PLAC8L1: variants seen among roughly 807,000 people sequenced by gnomAD.
PLAC8L1 encodes the protein PLAC8 like 1.
In PLAC8L1, 13 loss-of-function variants were observed where a neutral mutation model predicts 16.3. The observed-to-expected ratio is 0.80, with a 90% confidence interval of 0.52 to 1.27. The LOEUF is 1.27. PLAC8L1 is among the 50% of genes most tolerant of loss of function. PLAC8L1 has a pLI of 0.00. For missense variants in PLAC8L1, 184 were observed against 220.2 expected (o/e 0.84, Z 1.04); for synonymous variants, 78 against 79.3 (o/e 0.98, Z 0.09).
Position 146,098,157 on chromosome 5 carries a change from A to G in PLAC8L1, c.255T>C (p.Ile85=), listed in dbSNP as rs1408569721. The change falls in exon 2 of 4, where the codon ATT becomes ATC. Residue 85 remains isoleucine, a splice_region_variant and synonymous_variant. Coordinates refer to ENST00000311450, the MANE Select transcript of PLAC8L1 (RefSeq NM_001029869.3). ...CTTAAATAAGGAGGAAAAACTTACA[A>G]ATTCTCCTATCTCTGCAGACACTGA... ...GLFSVCRDRR[I]CFCGLFCPMC... 6.2e-7 allele frequency: 1 copy of G among 1,608,300 alleles called. No individual in the cohort carries two copies. Among genetic ancestry groups the G allele is most frequent in the Non-Finnish European group, 8.5e-7 (1 of 1,176,218 alleles).
At chr5:146,093,722 G>A in intron 2 of PLAC8L1, among the ~76,000 whole-genome samples, 1 of 152,202 alleles carries the variant, frequency 6.6e-6, no homozygotes, top group African/African-American at 2.4e-5. Context: ...GGTTACCTGA[G>A]ATGCAGTGTG....
At position 146,104,406 on chromosome 5, in the gene PLAC8L1, C is replaced by G; in HGVS notation, c.-95G>C. ...CGGATTAGTCCAAAGTGAAACATCT[C>G]TTGAAAGAATGTTCCCTTAATATTC... On this transcript the variant is annotated 5_prime_UTR_variant, in exon 1 of 4. Transcript: ENST00000311450. 1.0e-6 allele frequency: 1 copy of G among 957,366 alleles called. No homozygotes were observed. Among genetic ancestry groups the G allele is most frequent in the African/African-American group, 1.6e-5 (1 of 61,808 alleles). 59.3% of individuals were successfully genotyped at this position (957,366 alleles called of 1,614,324 possible). A position where few individuals can be genotyped will look rare whatever the true frequency, so the allele number is the denominator to read the frequency against.
At chr5:146,103,924 T>C in intron 1 of PLAC8L1, 1 of 985,420 alleles carries the variant, frequency 1.0e-6, no homozygotes, top group Non-Finnish European at 1.2e-6. Flanking sequence ...TGGCAGTCTC[T>C]AAAAATAAAG....
intron 2 of PLAC8L1, among the ~76,000 whole-genome samples, chr5:146,095,917 A>T (rs996651646): frequency 6.6e-6 from 1 of 152,234 alleles, no homozygotes; most frequent in Non-Finnish European, 1.5e-5. Flanking sequence ...TACCTGGCTC[A>T]TTGATTCCGG....
At chr5:146,089,744 T>C (rs1438831425) in intron 2 of PLAC8L1, among the ~76,000 whole-genome samples, 1 of 150,844 alleles carries the variant, frequency 6.6e-6, no homozygotes, top group Non-Finnish European at 1.5e-5. Context: ...CTTCTTCTTT[T>C]TTTTTTTTTT....
At chr5:146,102,326 C>T (rs957603670) in intron 1 of PLAC8L1, among the ~76,000 whole-genome samples, 3 of 152,124 alleles carry the variant, frequency 2.0e-5, no homozygotes, top group African/African-American at 7.2e-5. Context: ...CCTTAATACC[C>T]TGAGTCTTCA....
rs1367001448 is a variant in PLAC8L1 at position 146,104,569 on chromosome 5, G to T, written c.-258C>A. On this transcript the variant is annotated 5_prime_UTR_variant, in exon 1 of 4. Coordinates refer to ENST00000311450, the MANE Select transcript of PLAC8L1 (RefSeq NM_001029869.3). The stretch of plus-strand genomic sequence containing the variant: ...GAGTATAGAGTAAATAGAAGAAAAA[G>T]ACTTATCTTTGGTGGAAAACTCTTT... 8 of 313,284 alleles carry T rather than the reference G, an allele frequency of 2.6e-5. No individual in the cohort carries two copies. Among genetic ancestry groups the T allele is most frequent in the South Asian group, 2.1e-4 (6 of 28,808 alleles). The allele number at this position is 313,284 out of a possible 1,614,324, so 19.4% of individuals were successfully genotyped here.
chr5:146,092,901 T>C (rs1003497229), intron 2 of PLAC8L1, among the ~76,000 whole-genome samples: 6 of 152,008 alleles, frequency 3.9e-5, no homozygotes, highest in African/African-American at 1.4e-4. Flanking sequence ...CTAGGTATGT[T>C]TTTTTTTCCT....
At chr5:146,102,281 A>C (rs921089622) in intron 1 of PLAC8L1, among the ~76,000 whole-genome samples, 14 of 152,006 alleles carry the variant, frequency 9.2e-5, no homozygotes, top group African/African-American at 3.4e-4. Flanking sequence ...CTGTTTGTCT[A>C]ATTTTGAACT....
At chr5:146,098,850 A>T (rs1763762068) in intron 1 of PLAC8L1, among the ~76,000 whole-genome samples, 2 of 152,222 alleles carry the variant, frequency 1.3e-5, no homozygotes, top group South Asian at 4.1e-4. Flanking sequence ...AACCTGGACT[A>T]GGCTGTTGAA....
intron 1 of PLAC8L1, chr5:146,103,760 G>C (rs1037361158): frequency 1.0e-6 from 1 of 985,352 alleles, no homozygotes; most frequent in Non-Finnish European, 1.2e-6. Context: ...CCACATGCCT[G>C]GTTCTTCAGC....
At chr5:146,094,227 C>A in intron 2 of PLAC8L1, among the ~76,000 whole-genome samples, 1 of 152,096 alleles carries the variant, frequency 6.6e-6, no homozygotes, top group East Asian at 1.9e-4. Context: ...GGATTACAGG[C>A]ATGTACCACC....
At chr5:146,101,196 CAAAAAA>C (rs35143616) in intron 1 of PLAC8L1, among the ~76,000 whole-genome samples, 3 of 82,166 alleles carry the variant, frequency 3.7e-5, no homozygotes, top group Admixed American at 1.3e-4. Context: ...GACCCTGTCT[CAAAAAA>C]AAAAAAAAAA....
At chr5:146,102,692 A>G (rs1182777365) in intron 1 of PLAC8L1, among the ~76,000 whole-genome samples, 1 of 152,214 alleles carries the variant, frequency 6.6e-6, no homozygotes, top group Non-Finnish European at 1.5e-5. Context: ...CAAATTCCAT[A>G]AGTTCTTCAT....
At chr5:146,086,024 CTTTTTTT>C (rs58130114) in intron 2 of PLAC8L1, among the ~76,000 whole-genome samples, 5 of 90,390 alleles carry the variant, frequency 5.5e-5, no homozygotes, top group Middle Eastern at 9.8e-3. Flanking sequence ...ATTGAAAGGT[CTTTTTTT>C]TTTTTTTTTT....
At chr5:146,089,892 C>A (rs1985600) in intron 2 of PLAC8L1, among the ~76,000 whole-genome samples, 33,890 of 151,736 alleles carry the variant, frequency 0.22, 4,840 homozygotes, top group Admixed American at 0.34. Context: ...GTGCCTGCCA[C>A]CATGCCCGGC....
intron 3 of PLAC8L1, 66 bp downstream of exon 3, chr5:146,085,395 C>T: frequency 6.7e-7 from 1 of 1,484,064 alleles, no homozygotes; most frequent in Non-Finnish European, 9.1e-7. Context: ...TGGAAAATCA[C>T]AGGTTTGGAA....
chr5:146,103,006 A>T (rs1763846889), intron 1 of PLAC8L1, among the ~76,000 whole-genome samples: 1 of 152,154 alleles, frequency 6.6e-6, no homozygotes, highest in African/African-American at 2.4e-5. Flanking sequence ...GAGAAAGGAG[A>T]ACTGGACCAG....
chr5:146,094,933 C>T (rs936255461), intron 2 of PLAC8L1, among the ~76,000 whole-genome samples: 1 of 152,166 alleles, frequency 6.6e-6, no homozygotes, highest in Non-Finnish European at 1.5e-5. Flanking sequence ...AGAAGAAGCT[C>T]TCCCTTTGTT....
Sources: gnomAD v4.1 joint callset for allele counts (sites outside exome capture counted in the v4.1 genomes callset) on GRCh38, gnomAD v4.1.1 for gene constraint, MANE v1.5 for transcripts, NCBI Gene and HGNC (gene_info 2026-07-23, HGNC 2026-07-21) for gene names.